The following GLI2 variants were observed in gnomAD, a reference collection of about 807,000 sequenced individuals.
The protein encoded by GLI2 is GLI family zinc finger 2, also known as transcription activator GLI2.
GLI2 carries 22 observed loss-of-function variants against 78.9 expected under a neutral mutation model. That is an observed-to-expected ratio of 0.28 (90% CI 0.20 to 0.40). The LOEUF (loss-of-function observed/expected upper bound fraction) is 0.40, where lower values mean the gene tolerates loss of function less well. Ranked by LOEUF, GLI2 falls within the 10% of genes least tolerant of loss-of-function variation. The probability of loss-of-function intolerance (pLI) is 1.00; values close to 1 mark genes in which losing one functional copy is unlikely to be tolerated. For missense variants in GLI2, 2,097 were observed against 2,213.2 expected (o/e 0.95, Z 1.05); for synonymous variants, 974 against 963.7 (o/e 1.01, Z -0.20).
chr2:120,964,709 G>A (rs1681750890), intron 5 of GLI2, among the ~76,000 whole-genome samples: 1 of 152,182 alleles, frequency 6.6e-6, no homozygotes, highest in Admixed American at 6.5e-5. Flanking sequence ...GAGCTGCCTT[G>A]CAGACAGGAG....
chr2:120,920,801 C>A (rs1679333294), intron 2 of GLI2, among the ~76,000 whole-genome samples: 1 of 149,588 alleles, frequency 6.7e-6, no homozygotes, highest in African/African-American at 2.5e-5. Flanking sequence ...AGAGTCATTT[C>A]TTTGAAATGG....
chr2:120,924,177 A>G (rs1010864966), intron 2 of GLI2, among the ~76,000 whole-genome samples: 1 of 152,192 alleles, frequency 6.6e-6, no homozygotes, highest in African/African-American at 2.4e-5. Flanking sequence ...CCTGGACTGA[A>G]TGCAGCTTCC....
intron 2 of GLI2, among the ~76,000 whole-genome samples, chr2:120,836,524 G>T (rs1381962320): frequency 6.6e-6 from 1 of 152,158 alleles, no homozygotes; most frequent in Non-Finnish European, 1.5e-5. Context: ...TGCAGACATT[G>T]TTGCCATGGG....
chr2:120,945,232 C>T (rs1291490146), intron 3 of GLI2, among the ~76,000 whole-genome samples: 1 of 152,360 alleles, frequency 6.6e-6, no homozygotes, highest in Middle Eastern at 3.4e-3. Flanking sequence ...GCCGTGAGGC[C>T]GGGCTCCTGC....
chr2:120,757,550 A>G (rs1239132744), intron 1 of GLI2, among the ~76,000 whole-genome samples: 1 of 152,198 alleles, frequency 6.6e-6, no homozygotes, highest in African/African-American at 2.4e-5. Flanking sequence ...TCATCCTCTC[A>G]GCTGGATCTT....
intron 10 of GLI2, among the ~76,000 whole-genome samples, chr2:120,981,798 C>G (rs1406092504): frequency 6.6e-6 from 1 of 152,184 alleles, no homozygotes; most frequent in Non-Finnish European, 1.5e-5. Flanking sequence ...TCTTCCCTCT[C>G]TCCCCACCTC....
At chr2:120,752,007 A>G (rs932616063) in intron 1 of GLI2, among the ~76,000 whole-genome samples, 6 of 152,238 alleles carry the variant, frequency 3.9e-5, no homozygotes, top group Non-Finnish European at 8.8e-5. Flanking sequence ...GCAGAAATGT[A>G]TAGTGTTGAG....
At chr2:120,906,547 T>C (rs896304041) in intron 2 of GLI2, among the ~76,000 whole-genome samples, 1 of 152,092 alleles carries the variant, frequency 6.6e-6, no homozygotes, top group African/African-American at 2.4e-5. Context: ...CTTTACACAC[T>C]GGCCGTGTAC....
intron 1 of GLI2, among the ~76,000 whole-genome samples, chr2:120,772,122 G>C (rs79971795): frequency 0.013 from 1,945 of 152,278 alleles, 41 homozygotes; most frequent in African/African-American, 0.045. Context: ...GATTGATAGA[G>C]ATTGCCTGGT....
At chr2:120,956,600 G>GCCAGTAAAGCTGGAAGCCA (rs1157564894) in intron 5 of GLI2, among the ~76,000 whole-genome samples, 1 of 152,150 alleles carries the variant, frequency 6.6e-6, no homozygotes, top group Non-Finnish European at 1.5e-5. Context: ...AGGCAGGGCA[G>GCCAGTAAAGCTGGAAGCCA]CCAGTAAAGC....
chr2:120,960,512 T>C (rs185793442), intron 5 of GLI2, among the ~76,000 whole-genome samples: 19 of 152,328 alleles, frequency 1.2e-4, no homozygotes, highest in African/African-American at 4.6e-4. Flanking sequence ...ATTGTGTATT[T>C]AGTAATATTT....
At chr2:120,910,177 C>A (rs1050907668) in intron 2 of GLI2, among the ~76,000 whole-genome samples, 1 of 152,164 alleles carries the variant, frequency 6.6e-6, no homozygotes, top group Non-Finnish European at 1.5e-5. Context: ...GCCCATGAGG[C>A]CTATGTCCAT....
intron 3 of GLI2, among the ~76,000 whole-genome samples, chr2:120,943,281 G>A (rs57607755): frequency 0.013 from 2,047 of 152,304 alleles, 40 homozygotes; most frequent in African/African-American, 0.047. Context: ...GGAGTTAACT[G>A]GGGGAAGGGA....
At chr2:120,929,359 T>C (rs759464506) in intron 3 of GLI2, among the ~76,000 whole-genome samples, 18 of 152,238 alleles carry the variant, frequency 1.2e-4, no homozygotes, top group Admixed American at 1.3e-4. Context: ...GATATGGAAA[T>C]ATCCTGTTTC....
chr2:120,957,021 T>A (rs551406992), intron 5 of GLI2, among the ~76,000 whole-genome samples: 1 of 152,192 alleles, frequency 6.6e-6, no homozygotes, highest in Non-Finnish European at 1.5e-5. Flanking sequence ...GGCTGCTCCT[T>A]CACTCTTTGC....
In GLI2 at chr2:120,951,343, C is replaced by A. The variant is rs780453822; in HGVS notation, c.355C>A (p.His119Asn). The change falls in exon 4 of 14, where the codon CAC becomes AAC. Residue 119 changes from histidine (H) to asparagine (N), a missense_variant. By Grantham distance (68) the His-to-Asn change is moderately conservative. Around this residue, in one of 5 missense-constraint regions of GLI2, gnomAD observed 578 missense variants for 612.0 expected, o/e 0.94. Coordinates refer to ENST00000361492, the MANE Select transcript of GLI2 (RefSeq NM_001374353.1). ...TGGGGAGTCCCCCTTCAACGCCCCCCACCCGTACGTGAACCCCCACATGGA... is the reference window on the plus strand; with the variant it reads ...TGGGGAGTCCCCCTTCAACGCCCCCAACCCGTACGTGAACCCCCACATGGA... ...GPGESPFNAPHPYVNPHMEHY... is the reference protein window; with the variant it reads ...GPGESPFNAPNPYVNPHMEHY... The A allele has an allele frequency of 6.9e-6, 11 of 1,584,734 alleles. No homozygotes were observed. Among genetic ancestry groups the A allele is most frequent in the South Asian group, 2.2e-5 (2 of 90,464 alleles).
At chr2:120,893,093 C>T (rs1328353468) in intron 2 of GLI2, among the ~76,000 whole-genome samples, 1 of 152,264 alleles carries the variant, frequency 6.6e-6, no homozygotes, top group African/African-American at 2.4e-5. Context: ...AGTTATTTGA[C>T]TAAGGCATCT....
intron 2 of GLI2, among the ~76,000 whole-genome samples, chr2:120,904,671 C>A (rs899670758): frequency 6.6e-6 from 1 of 152,336 alleles, no homozygotes; most frequent in Admixed American, 6.5e-5. Context: ...ATGGAATCCA[C>A]TGGGGAGCTT....
At chr2:120,744,612 A>G (rs1186367517) in intron 1 of GLI2, among the ~76,000 whole-genome samples, 3 of 152,246 alleles carry the variant, frequency 2.0e-5, no homozygotes, top group South Asian at 4.1e-4. Context: ...GATGTGCGAC[A>G]TGTATATTTA....
Sources: allele counts gnomAD v4.1 joint callset (sites outside exome capture counted in the v4.1 genomes callset), GRCh38; gene constraint gnomAD v4.1.1; regional missense constraint gnomAD v4.1.1; transcripts MANE v1.5; gene names NCBI Gene and HGNC (gene_info 2026-07-23, HGNC 2026-07-21).